The following UNC80 variants were observed in gnomAD, a reference collection of about 807,000 sequenced individuals.
The protein encoded by UNC80 is unc-80 subunit of NALCN channel complex.
In UNC80, 164 loss-of-function variants were observed where a neutral mutation model predicts 384.6. The observed-to-expected ratio is 0.43, with a 90% CI of 0.38 to 0.49. UNC80 has a LOEUF of 0.49. Among genes scored for constraint, UNC80 ranks in the 20% least tolerant of loss-of-function variants. The pLI is 0.00. For synonymous variants in UNC80, 1,486 were observed against 1,527.8 expected, an observed-to-expected ratio of 0.97 and a Z score of 0.64; for missense variants, 3,330 against 4,143.0, an observed-to-expected ratio of 0.80 and a Z score of 5.39.
intron 26 of UNC80, among the ~76,000 whole-genome samples, chr2:209,892,046 G>A (rs2086387528): frequency 1.3e-5 from 2 of 152,176 alleles, no homozygotes; most frequent in African/African-American, 4.8e-5. Context: ...GGTAGATGTG[G>A]TTAGAAATTT....
chr2:209,925,640 G>A (rs113065725), intron 35 of UNC80, among the ~76,000 whole-genome samples: 24,821 of 152,002 alleles, frequency 0.16, 2,249 homozygotes, highest in East Asian at 0.22. Flanking sequence ...TGATTGGTGC[G>A]TTTACAATCC....
At chr2:209,902,787 G>A (rs547372104) in intron 28 of UNC80, among the ~76,000 whole-genome samples, 1 of 152,258 alleles carries the variant, frequency 6.6e-6, no homozygotes, top group South Asian at 2.1e-4. Context: ...GTGTAAACAT[G>A]ATTTTTATAT....
intron 58 of UNC80, 55 bp downstream of exon 58, chr2:209,977,133 A>G (rs1012959696): frequency 9.8e-6 from 14 of 1,427,910 alleles, no homozygotes; most frequent in Non-Finnish European, 1.2e-5. Context: ...CTCACAGCCT[A>G]CAAAGAATCC....
chr2:209,873,997 G>GTGTT (rs1325521682), intron 23 of UNC80, among the ~76,000 whole-genome samples: 7 of 150,622 alleles, frequency 4.6e-5, no homozygotes, highest in Non-Finnish European at 3.0e-5. Context: ...GTGTGTGTGT[G>GTGTT]TATGATATGT....
intron 61 of UNC80, among the ~76,000 whole-genome samples, chr2:209,990,738 C>T (rs947914445): frequency 3.3e-5 from 5 of 152,046 alleles, no homozygotes; most frequent in Admixed American, 1.3e-4. Flanking sequence ...ATGGAAAGGT[C>T]GCATCTGTTT....
At chr2:209,959,364 C>T in intron 50 of UNC80, 125 bp from the exon 51 acceptor site, 4 of 1,106,708 alleles carry the variant, frequency 3.6e-6, no homozygotes, top group Non-Finnish European at 5.2e-6. Flanking sequence ...TTCTCCTTGG[C>T]CTCACCCTAC....
chr2:209,814,722 C>T (rs532814686), intron 8 of UNC80, among the ~76,000 whole-genome samples: 1 of 152,072 alleles, frequency 6.6e-6, no homozygotes, highest in Non-Finnish European at 1.5e-5. Context: ...TGTTCTTGCC[C>T]TCTTTCTCGT....
At chr2:209,827,592 T>C (rs1349635087) in intron 14 of UNC80, among the ~76,000 whole-genome samples, 1 of 152,174 alleles carries the variant, frequency 6.6e-6, no homozygotes, top group Non-Finnish European at 1.5e-5. Context: ...TCTCCTTCTG[T>C]TTAATGCTCA....
intron 25 of UNC80, among the ~76,000 whole-genome samples, chr2:209,882,603 A>T (rs1447538542): frequency 6.6e-6 from 1 of 152,134 alleles, no homozygotes; most frequent in Non-Finnish European, 1.5e-5. Flanking sequence ...TAATTTTCTG[A>T]ATTGTCACTT....
At position 209,999,274 on chromosome 2, in the gene UNC80, AAAAT is replaced by A. The variant is rs1259735036; in HGVS notation, c.*3684_*3687del. ...CTGTGTTTAGGTATGCACATATGAT[AAAAT>A]AAATCTAAAAACATTAAAGATGCCT... On this transcript the variant is annotated 3_prime_UTR_variant, in exon 65 of 65. Transcript: ENST00000673920. 3 of 152,374 alleles carry A rather than the reference AAAAT, an allele frequency of 2.0e-5. No homozygotes were observed. The highest frequency in any genetic ancestry group is 7.2e-5 in the African/African-American group (3 of 41,594). The allele number at this position is 152,374 out of a possible 1,614,324, so 9.4% of individuals were successfully genotyped here.
chr2:209,910,797 A>G (rs1574981959), intron 29 of UNC80, among the ~76,000 whole-genome samples: 1 of 152,084 alleles, frequency 6.6e-6, no homozygotes, highest in African/African-American at 2.4e-5. Context: ...AATATTTGCA[A>G]AATTTAAGAA....
At chr2:209,864,042 A>T (rs575160811) in intron 22 of UNC80, among the ~76,000 whole-genome samples, 19 of 151,700 alleles carry the variant, frequency 1.3e-4, no homozygotes, top group African/African-American at 4.6e-4. Context: ...GTTGTTGTTG[A>T]TGATGATGCT....
At chr2:209,910,111 A>C (rs1020673806) in intron 29 of UNC80, among the ~76,000 whole-genome samples, 31 of 151,554 alleles carry the variant, frequency 2.0e-4, no homozygotes, top group Admixed American at 9.2e-4. Flanking sequence ...CTAGTAACCC[A>C]AGACCAAAGG....
intron 4 of UNC80, 123 bp from the exon 5 acceptor site, chr2:209,785,943 G>A: frequency 9.0e-7 from 1 of 1,116,420 alleles, no homozygotes; most frequent in Non-Finnish European, 1.3e-6. Flanking sequence ...ATGAGAGAAG[G>A]TTTGGCAGAT....
At chr2:209,833,902 A>G in intron 16 of UNC80, 100 bp from the exon 17 acceptor site, 1 of 1,201,082 alleles carries the variant, frequency 8.3e-7, no homozygotes, top group Non-Finnish European at 1.2e-6. Flanking sequence ...TCCAATGCTC[A>G]TCTAAGCCTA....
At chr2:209,925,385 G>A (rs1377039840) in intron 35 of UNC80, among the ~76,000 whole-genome samples, 1 of 152,176 alleles carries the variant, frequency 6.6e-6, no homozygotes, top group Non-Finnish European at 1.5e-5. Flanking sequence ...TTCACAGTGA[G>A]TGTTACAGCT....
intron 19 of UNC80, 86 bp from the exon 20 acceptor site, chr2:209,840,456 C>A: frequency 9.0e-7 from 1 of 1,112,568 alleles, no homozygotes; most frequent in Non-Finnish European, 1.3e-6. Context: ...TAACTTTCAT[C>A]GCTTGTTGGG....
Position 209,911,292 on chromosome 2 carries a change from G to A in UNC80, c.4783-1268G>A, listed in dbSNP as rs113012866. 3.5e-3 allele frequency among the ~76,000 whole-genome samples: 534 copies of A among 152,216 alleles called. 4 individuals carry two copies. Among genetic ancestry groups the A allele is most frequent in the African/African-American group, 0.012 (514 of 41,534 alleles). ...TATATGATTTTAGAACAGTCTTCAAGTTATATAAAATGGGCATGCTATTTA... is the reference window on the plus strand; with the variant it reads ...TATATGATTTTAGAACAGTCTTCAAATTATATAAAATGGGCATGCTATTTA... On this transcript the variant is annotated intron_variant, in intron 29 of 64. Coordinates refer to ENST00000673920, the MANE Select transcript of UNC80 (RefSeq NM_001371986.1).
intron 26 of UNC80, among the ~76,000 whole-genome samples, chr2:209,888,779 C>T (rs2086067464): frequency 6.6e-6 from 1 of 152,012 alleles, no homozygotes; most frequent in Non-Finnish European, 1.5e-5. Flanking sequence ...CCACGCCCGG[C>T]TAATTTTTGT....
Sources: gnomAD v4.1 joint callset for allele counts (sites outside exome capture counted in the v4.1 genomes callset) on GRCh38, gnomAD v4.1.1 for gene constraint, MANE v1.5 for transcripts, NCBI Gene and HGNC (gene_info 2026-07-23, HGNC 2026-07-21) for gene names.